Variants in RFX3 observed in about 807,000 individuals in gnomAD.
The protein encoded by RFX3 is regulatory factor X3, also known as transcription factor RFX3.
In RFX3, 14 loss-of-function variants were observed where a neutral mutation model predicts 98.6. That is an observed-to-expected ratio of 0.14 (90% CI 0.09 to 0.22). The LOEUF is 0.22. Ranked by LOEUF, RFX3 falls within the 10% of genes least tolerant of loss-of-function variation. The pLI, the probability that RFX3 is intolerant of heterozygous loss-of-function variation, is 1.00. For missense variants in RFX3, 639 were observed against 926.9 expected (o/e 0.69, Z 4.03); for synonymous variants, 383 against 328.4 (o/e 1.17, Z -1.80).
At chr9:3,344,980 T>G in intron 3 of RFX3, 1 of 608,160 alleles carries the variant, frequency 1.6e-6, no homozygotes, top group African/African-American at 1.9e-5. Context: ...CTGACTTTAT[T>G]ATGTGCCAAT....
chr9:3,294,413 G>C (rs191559743), intron 5 of RFX3, among the ~76,000 whole-genome samples: 4 of 152,142 alleles, frequency 2.6e-5, no homozygotes, highest in Non-Finnish European at 4.4e-5. Flanking sequence ...CATTTATTGA[G>C]CACCAACCAT....
intron 1 of RFX3, among the ~76,000 whole-genome samples, chr9:3,399,171 A>G (rs1369423465): frequency 1.3e-5 from 2 of 151,812 alleles, no homozygotes; most frequent in East Asian, 3.9e-4. Context: ...ACAGTGGTTC[A>G]TGCCTGTAAT....
chr9:3,471,568 T>C (rs543376968), intron 1 of RFX3, among the ~76,000 whole-genome samples: 16 of 152,224 alleles, frequency 1.1e-4, no homozygotes, highest in Non-Finnish European at 1.6e-4. Context: ...CATGAAAGCA[T>C]TGTTTATGCC....
In RFX3 at chr9:3,219,651, G is replaced by A. The variant is rs987065043; in HGVS notation, c.*5391C>T. On this transcript the variant is annotated 3_prime_UTR_variant, in exon 17 of 17. Coordinates refer to ENST00000617270, the MANE Select transcript of RFX3 (RefSeq NM_001282116.2). ...TGGTAAACTAAACTCAGGTCTACTG[G>A]CACATAAAATCACTAGCAGCAATGA... The A allele has an allele frequency of 6.6e-6, 1 of 152,072 alleles. No individual in the cohort carries two copies. Among genetic ancestry groups the A allele is most frequent in the African/African-American group, 2.4e-5 (1 of 41,416 alleles). The allele number at this position is 152,072 out of a possible 1,614,324, so 9.4% of individuals were successfully genotyped here.
chr9:3,466,509 T>C (rs753765222), intron 1 of RFX3, among the ~76,000 whole-genome samples: 5 of 152,190 alleles, frequency 3.3e-5, no homozygotes, highest in Non-Finnish European at 5.9e-5. Context: ...TCTATTAGTA[T>C]AGGTTGGCAC....
At chr9:3,270,025 T>C (rs552358) in intron 11 of RFX3, among the ~76,000 whole-genome samples, 144,451 of 150,484 alleles carry the variant, frequency 0.96, 69,603 homozygotes, top group Middle Eastern at 1. Flanking sequence ...GGGGCTGTTA[T>C]ATCTACAGGT....
At chr9:3,354,308 C>T (rs1835490070) in intron 2 of RFX3, among the ~76,000 whole-genome samples, 1 of 151,696 alleles carries the variant, frequency 6.6e-6, no homozygotes, top group Non-Finnish European at 1.5e-5. Flanking sequence ...ACAAAGAAGC[C>T]AAAGTTGCAG....
rs973752785 is a variant in RFX3 at position 3,286,442 on chromosome 9, TA to T, written c.851+1688del. On this transcript the variant is annotated intron_variant, in intron 7 of 16. Coordinates refer to ENST00000617270, the MANE Select transcript of RFX3 (RefSeq NM_001282116.2). The stretch of plus-strand genomic sequence containing the variant: ...GATTGAGAATCTGTAATAAAAAATC[TA>T]AAACCTTTAAGATATCTTTTATATA... 1.6e-4 allele frequency among the ~76,000 whole-genome samples: 24 copies of T among 151,934 alleles called. 1 individual carries two copies. The South Asian group carries it at 2.1e-3, about 13-fold the overall frequency.
intron 3 of RFX3, among the ~76,000 whole-genome samples, chr9:3,337,514 G>C (rs1833327857): frequency 6.6e-6 from 1 of 152,178 alleles, no homozygotes; most frequent in African/African-American, 2.4e-5. Flanking sequence ...CAAGGAGCTA[G>C]GGGCACAAAG....
intron 5 of RFX3, among the ~76,000 whole-genome samples, chr9:3,297,132 G>C (rs756805527): frequency 2.6e-5 from 4 of 151,938 alleles, no homozygotes; most frequent in Non-Finnish European, 4.4e-5. Flanking sequence ...GTTAAATATC[G>C]TTTTCTTGGG....
intron 4 of RFX3, among the ~76,000 whole-genome samples, chr9:3,305,502 A>G (rs914075738): frequency 1.3e-5 from 2 of 152,016 alleles, no homozygotes; most frequent in African/African-American, 4.8e-5. Flanking sequence ...TCATAGGAAT[A>G]TATCATGACA....
intron 4 of RFX3, among the ~76,000 whole-genome samples, chr9:3,302,802 A>T (rs1194389794): frequency 6.6e-6 from 1 of 151,812 alleles, no homozygotes; most frequent in Non-Finnish European, 1.5e-5. Context: ...AAAACACTTT[A>T]TACACAAAAT....
intron 1 of RFX3, among the ~76,000 whole-genome samples, chr9:3,454,348 T>C (rs1037812798): frequency 1.3e-5 from 2 of 152,242 alleles, no homozygotes; most frequent in African/African-American, 2.4e-5. Context: ...ACTTCAGATA[T>C]GTATGTTCTA....
intron 1 of RFX3, among the ~76,000 whole-genome samples, chr9:3,505,266 A>ATTT (rs1564187005): frequency 6.7e-5 from 5 of 74,562 alleles, no homozygotes; most frequent in African/African-American, 3.5e-4. Flanking sequence ...ATATATTTAT[A>ATTT]TATATATGAA....
At chr9:3,255,594 G>T (rs1822022853) in intron 14 of RFX3, among the ~76,000 whole-genome samples, 1 of 152,172 alleles carries the variant, frequency 6.6e-6, no homozygotes, top group South Asian at 2.1e-4. Flanking sequence ...CTCACCATAA[G>T]AACAAATGCC....
chr9:3,313,225 G>A (rs1277033406), intron 4 of RFX3, among the ~76,000 whole-genome samples: 1 of 152,196 alleles, frequency 6.6e-6, no homozygotes, highest in Non-Finnish European at 1.5e-5. Context: ...CTGTTCTGCA[G>A]ACTCCACTGG....
intron 1 of RFX3, among the ~76,000 whole-genome samples, chr9:3,489,687 CTTAT>C (rs1244540801): frequency 1.3e-5 from 2 of 152,104 alleles, no homozygotes; most frequent in Non-Finnish European, 2.9e-5. Context: ...GGCATATACA[CTTAT>C]TTGACTGCCA....
chr9:3,421,929 G>A (rs1378146100), intron 1 of RFX3, among the ~76,000 whole-genome samples: 1 of 151,820 alleles, frequency 6.6e-6, no homozygotes, highest in Non-Finnish European at 1.5e-5. Context: ...GAATTGATAG[G>A]AACTCTGAAG....
chr9:3,484,522 G>C lies in RFX3; in HGVS notation c.-9+41225C>G, dbSNP rs541172493. 1.0e-3 allele frequency among the ~76,000 whole-genome samples: 152 copies of C among 152,236 alleles called. 1 individual carries two copies. In the South Asian group the frequency reaches 0.028, roughly 28 times the overall value. ...TAACCATAAATTGCAAGAAAATAAT[G>C]TATCTGCCACATTTAACTCTTAAGT... On this transcript the variant is annotated intron_variant, in intron 1 of 16. Coordinates refer to ENST00000617270, the MANE Select transcript of RFX3 (RefSeq NM_001282116.2).
Sources: gnomAD v4.1 joint callset for allele counts (sites outside exome capture counted in the v4.1 genomes callset) on GRCh38, gnomAD v4.1.1 for gene constraint, MANE v1.5 for transcripts, NCBI Gene and HGNC (gene_info 2026-07-23, HGNC 2026-07-21) for gene names.